The following MICU2 variants were observed in gnomAD, a reference collection of about 807,000 sequenced individuals.
MICU2 encodes mitochondrial calcium uptake 2.
Under a neutral mutation model 60.4 loss-of-function variants are expected in MICU2, and 64 were observed. The observed-to-expected ratio is 1.06, with a 90% confidence interval of 0.87 to 1.31. The LOEUF is 1.31. MICU2 is among the 50% of genes most tolerant of loss of function. The pLI is 0.00. For synonymous variants in MICU2, 201 were observed against 175.0 expected, an observed-to-expected ratio of 1.15 and a Z score of -1.17; for missense variants, 569 against 531.0, an observed-to-expected ratio of 1.07 and a Z score of -0.70.
Position 21,586,570 on chromosome 13 carries a change from G to A in MICU2, c.210+17369C>T, listed in dbSNP as rs76293776. ...CTACAGATGCACACCACCAATCCTGGCCATTTTTTTTTCTATTTTTTTGTA... is the reference window on the plus strand; with the variant it reads ...CTACAGATGCACACCACCAATCCTGACCATTTTTTTTTCTATTTTTTTGTA... On this transcript the variant is annotated intron_variant, in intron 1 of 11. Transcript: ENST00000382374. 3.9e-3 allele frequency among the ~76,000 whole-genome samples: 590 copies of A among 152,050 alleles called. 10 individuals carry two copies. The highest frequency in any genetic ancestry group is 0.013 in the African/African-American group (547 of 41,462).
chr13:21,594,941 G>A (rs1888660462), intron 1 of MICU2, among the ~76,000 whole-genome samples: 1 of 152,146 alleles, frequency 6.6e-6, no homozygotes, highest in African/African-American at 2.4e-5. Context: ...AACCACCATG[G>A]CACACATATA....
In MICU2 at chr13:21,522,634, G is replaced by T. The variant is rs150938198; in HGVS notation, c.483C>A (p.Thr161=). The T allele has an allele frequency of 7.5e-6, 12 of 1,601,924 alleles. No individual in the cohort carries two copies. In the African/African-American group the frequency reaches 1.6e-4, roughly 22 times the overall value. ...GGATTGTAAGCAAGAAAAGATACTC[G>T]GTATATGAAATTAGCCCTGAAAGAG... ...DLGDKGLISY[T]EYLFLLTILT... The change falls in exon 5 of 12, where the codon ACC becomes ACA. Residue 161 remains threonine (T), a synonymous_variant. Coordinates refer to ENST00000382374, the MANE Select transcript of MICU2 (RefSeq NM_152726.3).
intron 6 of MICU2, among the ~76,000 whole-genome samples, chr13:21,519,675 T>C (rs566472501): frequency 2.6e-5 from 4 of 152,336 alleles, no homozygotes; most frequent in Admixed American, 6.5e-5. Flanking sequence ...TGATCTCCAG[T>C]TGCTTGCTAT....
intron 2 of MICU2, among the ~76,000 whole-genome samples, chr13:21,549,092 AT>A (rs745455755): frequency 1.3e-4 from 19 of 146,296 alleles, no homozygotes; most frequent in Admixed American, 2.1e-4. Flanking sequence ...CACCTGGCTC[AT>A]TTTTTTTTTG....
intron 2 of MICU2, among the ~76,000 whole-genome samples, chr13:21,543,266 A>AT (rs1331994741): frequency 2.6e-5 from 4 of 152,202 alleles, no homozygotes; most frequent in Admixed American, 2.6e-4. Flanking sequence ...AAGAACTGAA[A>AT]TGAGACAAGG....
At chr13:21,493,381 G>C in intron 11 of MICU2, 28 bp from the exon 12 acceptor site, 1 of 1,488,878 alleles carries the variant, frequency 6.7e-7, no homozygotes, top group Non-Finnish European at 9.2e-7. Context: ...AAATCAAGGG[G>C]TCATTGTCTT....
At chr13:21,561,488 A>G (rs995187471) in intron 2 of MICU2, among the ~76,000 whole-genome samples, 5 of 151,816 alleles carry the variant, frequency 3.3e-5, no homozygotes, top group Non-Finnish European at 4.4e-5. Context: ...CCCTGTTGTT[A>G]GGTATACATA....
At chr13:21,521,413 C>T in intron 5 of MICU2, 86 bp from the exon 6 acceptor site, 1 of 956,758 alleles carries the variant, frequency 1.0e-6, no homozygotes, top group Non-Finnish European at 1.6e-6. Flanking sequence ...TTGACATACA[C>T]TAGCAGAAAC....
chr13:21,566,829 A>C lies in MICU2; in HGVS notation c.326T>G (p.Phe109Cys), dbSNP rs762706133. The change falls in exon 2 of 12, where the codon TTC (phenylalanine) becomes TGC (cysteine). Residue 109 changes from phenylalanine (F) to cysteine (C), a missense_variant. Coordinates refer to ENST00000382374, the MANE Select transcript of MICU2 (RefSeq NM_152726.3). ...EGEYYMTPRD[F>C]LFSVMFEQME... The stretch of plus-strand genomic sequence containing the variant: ...TTGCTCAAACATCACTGAGAAGAGG[A>C]AGTCTCGTGGTGTCATATAATATTC... 5 of 1,605,744 alleles carry C rather than the reference A, an allele frequency of 3.1e-6. 1 individual carries two copies. Among genetic ancestry groups the C allele is most frequent in the Non-Finnish European group, 4.3e-6 (5 of 1,176,410 alleles).
At chr13:21,554,729 T>G (rs1887659277) in intron 2 of MICU2, among the ~76,000 whole-genome samples, 1 of 151,982 alleles carries the variant, frequency 6.6e-6, no homozygotes, top group Admixed American at 6.6e-5. Flanking sequence ...AATCAATGAA[T>G]CCAGGAGCTG....
chr13:21,541,225 T>C (rs1359820559), intron 2 of MICU2, among the ~76,000 whole-genome samples: 1 of 152,022 alleles, frequency 6.6e-6, no homozygotes, highest in Admixed American at 6.5e-5. Context: ...GAAGGCTAGA[T>C]TCCTTTTTGG....
At chr13:21,548,124 C>G (rs1887458330) in intron 2 of MICU2, among the ~76,000 whole-genome samples, 1 of 152,032 alleles carries the variant, frequency 6.6e-6, no homozygotes, top group Non-Finnish European at 1.5e-5. Context: ...TGTGCAGTCA[C>G]AAAAACAGTA....
chr13:21,502,883 T>G (rs746871147), intron 9 of MICU2, 43 bp downstream of exon 9: 1 of 1,546,178 alleles, frequency 6.5e-7, no homozygotes, highest in Non-Finnish European at 8.8e-7. Context: ...GTCTAACTTA[T>G]TATTTCATCT....
intron 4 of MICU2, among the ~76,000 whole-genome samples, chr13:21,525,132 A>C (rs1886816381): frequency 6.7e-6 from 1 of 149,254 alleles, no homozygotes; most frequent in South Asian, 2.1e-4. Context: ...TTTTGGGTAT[A>C]TACCCAGAAG....
chr13:21,583,747 C>A (rs999022935), intron 1 of MICU2, among the ~76,000 whole-genome samples: 18 of 152,224 alleles, frequency 1.2e-4, no homozygotes, highest in African/African-American at 4.3e-4. Flanking sequence ...CATTCCAGAA[C>A]TTCCCAGGAC....
rs575537261 is a variant in MICU2 at position 21,551,707 on chromosome 13, G to A, written c.359-12019C>T. 5.3e-5 allele frequency among the ~76,000 whole-genome samples: 8 copies of A among 150,648 alleles called. No individual in the cohort carries two copies. In the South Asian group the frequency reaches 6.3e-4, roughly 12 times the overall value. Reference sequence around the variant, plus strand: ...GCAGTGTTTGGTTTTTAGTCCTTGCGATAGTTTGCTGAGAATGATGGTTTC... The same window carrying A: ...GCAGTGTTTGGTTTTTAGTCCTTGCAATAGTTTGCTGAGAATGATGGTTTC... On this transcript the variant is annotated intron_variant, in intron 2 of 11. Coordinates refer to ENST00000382374, the MANE Select transcript of MICU2 (RefSeq NM_152726.3).
chr13:21,552,163 T>C (rs1887585415), intron 2 of MICU2, among the ~76,000 whole-genome samples: 1 of 152,236 alleles, frequency 6.6e-6, no homozygotes, highest in East Asian at 1.9e-4. Context: ...GTGGTTTTCA[T>C]TTGCATTTCT....
In MICU2 at chr13:21,514,409, T is replaced by A. The variant is rs560898391; in HGVS notation, c.607A>T (p.Ile203Phe). ...ATCAAGTCATCTTGTTTACTTATGA[T>A]CTTCTGCAGCTAAAAAGATTACAAA... is the stretch of plus-strand genomic sequence containing the variant. ...EKREFFKLQK[I>F]ISKQDDLMTV... Residue 203 changes from isoleucine to phenylalanine, a missense_variant, in exon 7 of 12, where the codon ATC becomes TTC. Physicochemically the swap from Ile to Phe is conservative, Grantham distance 21 (BLOSUM62 0). Transcript: ENST00000382374. 1.2e-6 allele frequency: 2 copies of A among 1,613,388 alleles called. No individual in the cohort carries two copies. The highest frequency in any genetic ancestry group is 4.5e-5 in the East Asian group (2 of 44,814).
intron 11 of MICU2, among the ~76,000 whole-genome samples, chr13:21,494,656 T>C (rs551137043): frequency 2.2e-4 from 34 of 152,318 alleles, no homozygotes; most frequent in African/African-American, 8.2e-4. Flanking sequence ...TACATATATC[T>C]AATTACATGT....
Sources: gnomAD v4.1 joint callset for allele counts (sites outside exome capture counted in the v4.1 genomes callset) on GRCh38, gnomAD v4.1.1 for gene constraint, MANE v1.5 for transcripts, NCBI Gene and HGNC (gene_info 2026-07-23, HGNC 2026-07-21) for gene names.